The following SGMS1 variants were observed in gnomAD, a reference collection of about 807,000 sequenced individuals.
SGMS1 encodes sphingomyelin synthase 1, also known as phosphatidylcholine:ceramide cholinephosphotransferase 1.
SGMS1 carries 13 observed loss-of-function variants against 46.2 expected under a neutral mutation model. The observed-to-expected ratio is 0.28, with a 90% CI of 0.18 to 0.45. The LOEUF (loss-of-function observed/expected upper bound fraction) is 0.45. Among genes scored for constraint, SGMS1 ranks in the 20% least tolerant of loss-of-function variants. The pLI, the probability that SGMS1 is intolerant of heterozygous loss-of-function variation, is 1.00. For synonymous variants in SGMS1, 203 were observed against 187.8 expected (o/e 1.08, Z -0.66); for missense variants, 324 against 519.9 (o/e 0.62, Z 3.66).
intron 6 of SGMS1, among the ~76,000 whole-genome samples, chr10:50,356,539 G>A (rs1014447210): frequency 6.6e-6 from 1 of 151,252 alleles, no homozygotes. Context: ...CCCTCTCCGA[G>A]AAACACCCAA....
chr10:50,539,626 G>C (rs1238909436), intron 2 of SGMS1, among the ~76,000 whole-genome samples: 1 of 152,104 alleles, frequency 6.6e-6, no homozygotes, highest in Non-Finnish European at 1.5e-5. Flanking sequence ...TAAGTTGTGG[G>C]GGCATGAACC....
chr10:50,451,666 G>GA (rs962838863), intron 5 of SGMS1, among the ~76,000 whole-genome samples: 1 of 151,708 alleles, frequency 6.6e-6, no homozygotes, highest in African/African-American at 2.4e-5. Flanking sequence ...GGATTCTGAA[G>GA]AAAAAAAACT....
At position 50,494,014 on chromosome 10, in the gene SGMS1, G is replaced by C. The variant is rs548164281; in HGVS notation, c.-498+25817C>G. Among the ~76,000 whole-genome samples, 24 of 152,306 alleles carry C rather than the reference G, an allele frequency of 1.6e-4. No homozygotes were observed. In the South Asian group the frequency reaches 4.6e-3, roughly 29 times the overall value. On this transcript the variant is annotated intron_variant, in intron 3 of 10. Coordinates refer to ENST00000361781, the MANE Select transcript of SGMS1 (RefSeq NM_147156.4). ...GGGTTTCACCATGTTGGCCAGGCTG[G>C]TCTCAAACTCCTGGCCTCGTGATCC...
chr10:50,584,770 T>C (rs1564438042), intron 2 of SGMS1, among the ~76,000 whole-genome samples: 1 of 152,184 alleles, frequency 6.6e-6, no homozygotes, highest in Admixed American at 6.5e-5. Context: ...GCTTCCTGCA[T>C]TTTCACATCT....
intron 1 of SGMS1, among the ~76,000 whole-genome samples, chr10:50,611,142 T>C (rs943138473): frequency 1.3e-5 from 2 of 152,158 alleles, no homozygotes; most frequent in African/African-American, 4.8e-5. Context: ...GCCTGTGCAA[T>C]AGCCCATCTC....
intron 8 of SGMS1, among the ~76,000 whole-genome samples, chr10:50,314,610 A>G (rs748266505): frequency 1.3e-5 from 2 of 152,180 alleles, no homozygotes; most frequent in Non-Finnish European, 2.9e-5. Flanking sequence ...GAAAAGTTCT[A>G]TGTGCAAAAA....
At chr10:50,530,622 C>T (rs867835443) in intron 2 of SGMS1, among the ~76,000 whole-genome samples, 2 of 151,956 alleles carry the variant, frequency 1.3e-5, no homozygotes, top group Non-Finnish European at 2.9e-5. Flanking sequence ...GTAGCTAAGA[C>T]TACACGTATG....
intron 6 of SGMS1, among the ~76,000 whole-genome samples, chr10:50,378,001 CAT>C (rs959846282): frequency 2.0e-5 from 3 of 152,198 alleles, no homozygotes; most frequent in Admixed American, 6.5e-5. Flanking sequence ...GCCTTAATCA[CAT>C]GTTTTGCTTC....
At chr10:50,458,899 TACTTAA>T (rs1837230194) in intron 5 of SGMS1, among the ~76,000 whole-genome samples, 1 of 152,202 alleles carries the variant, frequency 6.6e-6, no homozygotes, top group Non-Finnish European at 1.5e-5. Flanking sequence ...CTCTTAAACT[TACTTAA>T]ACTTAAAACC....
At chr10:50,426,297 A>G (rs1849325696) in intron 6 of SGMS1, among the ~76,000 whole-genome samples, 5 of 152,260 alleles carry the variant, frequency 3.3e-5, no homozygotes, top group South Asian at 4.1e-4. Flanking sequence ...TTGGAAAAAA[A>G]CAACTACCAT....
intron 6 of SGMS1, among the ~76,000 whole-genome samples, chr10:50,409,009 T>G (rs1356957369): frequency 6.6e-6 from 1 of 152,210 alleles, no homozygotes; most frequent in Non-Finnish European, 1.5e-5. Flanking sequence ...TAAAATCCAT[T>G]CATTTTATTC....
Position 50,482,487 on chromosome 10 carries a change from C to A in SGMS1, c.-497-15555G>T, listed in dbSNP as rs190715045. On this transcript the variant is annotated intron_variant, in intron 3 of 10. Coordinates refer to ENST00000361781, the MANE Select transcript of SGMS1 (RefSeq NM_147156.4). ...AAGCAAAGGAAAATAAAATCCTTTT[C>A]GAAACACTGAGGGAATTTGTCATCA... 9.9e-5 allele frequency among the ~76,000 whole-genome samples: 15 copies of A among 152,188 alleles called. No homozygotes were observed. In the South Asian group the frequency reaches 1.5e-3, roughly 15 times the overall value.
chr10:50,349,742 C>G (rs1847974068), intron 6 of SGMS1, among the ~76,000 whole-genome samples: 7 of 152,186 alleles, frequency 4.6e-5, no homozygotes, highest in Admixed American at 4.6e-4. Flanking sequence ...TTCTCATTTT[C>G]TCTTACCACC....
At chr10:50,341,689 T>TCCCAGGCTGCCTA (rs6143896) in intron 7 of SGMS1, among the ~76,000 whole-genome samples, 2 of 151,754 alleles carry the variant, frequency 1.3e-5, no homozygotes, top group African/African-American at 4.8e-5. Flanking sequence ...ACCTGAGGCC[T>TCCCAGGCTGCCTA]CATTCCAGCA....
At chr10:50,461,689 G>C (rs1449664635) in intron 4 of SGMS1, among the ~76,000 whole-genome samples, 1 of 151,996 alleles carries the variant, frequency 6.6e-6, no homozygotes, top group African/African-American at 2.4e-5. Flanking sequence ...TGGACCCCAG[G>C]ATAAAAATCA....
intron 5 of SGMS1, among the ~76,000 whole-genome samples, chr10:50,442,184 ATT>A (rs11397144): frequency 1.4e-5 from 2 of 147,328 alleles, no homozygotes; most frequent in Admixed American, 6.7e-5. Flanking sequence ...TCTGCTGTAG[ATT>A]TTTTTTTTTT....
chr10:50,313,906 T>A (rs927399089), intron 8 of SGMS1, among the ~76,000 whole-genome samples: 2 of 152,148 alleles, frequency 1.3e-5, no homozygotes, highest in Non-Finnish European at 2.9e-5. Context: ...TTTCAAAATA[T>A]CTTCCTATGT....
rs1444861486 is a variant in SGMS1 at position 50,423,048 on chromosome 10, A to G, written c.-232+10428T>C. 2.0e-5 allele frequency among the ~76,000 whole-genome samples: 3 copies of G among 152,254 alleles called. 1 individual carries two copies. The highest frequency in any genetic ancestry group is 4.4e-5 in the Non-Finnish European group (3 of 68,050). On this transcript the variant is annotated intron_variant, in intron 6 of 10. Transcript: ENST00000361781. ...ACTGACTTTCTAAATAACTACTCCAAGTATAAACAAGCAAATGAATTAGTC... is the reference window on the plus strand; with the variant it reads ...ACTGACTTTCTAAATAACTACTCCAGGTATAAACAAGCAAATGAATTAGTC...
At chr10:50,623,370 C>A (rs1360231386) in intron 1 of SGMS1, among the ~76,000 whole-genome samples, 1 of 152,152 alleles carries the variant, frequency 6.6e-6, no homozygotes, top group African/African-American at 2.4e-5. Context: ...ACCAGGCAGC[C>A]TTCCAGCCCG....
Sources: gnomAD v4.1 joint callset for allele counts (sites outside exome capture counted in the v4.1 genomes callset) on GRCh38, gnomAD v4.1.1 for gene constraint, MANE v1.5 for transcripts, NCBI Gene and HGNC (gene_info 2026-07-23, HGNC 2026-07-21) for gene names.